PHYH: variants seen among roughly 807,000 people sequenced by gnomAD.
PHYH encodes the protein phytanoyl-CoA dioxygenase, peroxisomal.
PHYH carries 32 observed loss-of-function variants against 38.5 expected under a neutral mutation model. That is an observed-to-expected ratio of 0.83 (90% CI 0.63 to 1.12). The LOEUF (loss-of-function observed/expected upper bound fraction) is 1.12, where lower values mean the gene tolerates loss of function less well. Ranked by LOEUF, PHYH falls within the 50% of genes most tolerant of loss-of-function variation. The pLI, the probability that PHYH is intolerant of heterozygous loss-of-function variation, is 0.00. For missense variants in PHYH, 426 were observed against 434.8 expected (o/e 0.98, Z 0.18); for synonymous variants, 166 against 157.9 (o/e 1.05, Z -0.38).
At chr10:13,290,565 G>A (rs937735790) in intron 5 of PHYH, among the ~76,000 whole-genome samples, 1 of 151,988 alleles carries the variant, frequency 6.6e-6, no homozygotes, top group African/African-American at 2.4e-5. Context: ...TTTACTGCAG[G>A]CACAGAGGAA....
Position 13,294,416 on chromosome 10 carries a change from G to A in PHYH, c.414+12C>T, listed in dbSNP as rs373656177. 7.6e-5 allele frequency: 123 copies of A among 1,613,408 alleles called. No homozygotes were observed. Among genetic ancestry groups the A allele is most frequent in the Non-Finnish European group, 1.0e-4 (118 of 1,179,670 alleles). The stretch of plus-strand genomic sequence containing the variant: ...GCAATTAAGCCGACGCAAAGCAAGG[G>A]TGGTCTCTGACCTCGGGGAGAGTGC... On this transcript the variant is annotated intron_variant, in intron 4 of 8. Coordinates refer to ENST00000263038, the MANE Select transcript of PHYH (RefSeq NM_006214.4).
At chr10:13,296,055 C>G (rs183944974) in intron 2 of PHYH, among the ~76,000 whole-genome samples, 1 of 152,014 alleles carries the variant, frequency 6.6e-6, no homozygotes, top group East Asian at 1.9e-4. Context: ...GTAATCCCAG[C>G]TACCCGGGAG....
intron 1 of PHYH, 171 bp downstream of exon 1, chr10:13,299,797 C>A: frequency 7.6e-7 from 1 of 1,312,606 alleles, no homozygotes; most frequent in Non-Finnish European, 9.7e-7. Context: ...CTCTTCCCCG[C>A]TCCCCGGCTC....
In PHYH at chr10:13,298,249, G is replaced by C. The variant is rs1212865399; in HGVS notation, c.76-4C>G. On this transcript the variant is annotated splice_region_variant and splice_polypyrimidine_tract_variant and intron_variant, in intron 1 of 8. Transcript: ENST00000263038. ...TCCCTGAAGTGGGATGAGCTACCTAGGATGTGAATTAAGGCAAATAAAGTA... is the reference window on the plus strand; with the variant it reads ...TCCCTGAAGTGGGATGAGCTACCTACGATGTGAATTAAGGCAAATAAAGTA... The C allele has an allele frequency of 6.3e-7, 1 of 1,590,074 alleles. No individual in the cohort carries two copies. The highest frequency in any genetic ancestry group is 8.6e-7 in the Non-Finnish European group (1 of 1,158,230).
Position 13,278,194 on chromosome 10 carries a change from T to G in PHYH, c.*107A>C, listed in dbSNP as rs1258917250. 5 of 792,890 alleles carry G rather than the reference T, an allele frequency of 6.3e-6. No homozygotes were observed. The highest frequency in any genetic ancestry group is 1.1e-5 in the Non-Finnish European group (5 of 447,944). The allele number at this position is 792,890 out of a possible 1,614,324, so 49.1% of individuals were successfully genotyped here. A position where few individuals can be genotyped will look rare whatever the true frequency, so the allele number is the denominator to read the frequency against. Reference sequence around the variant, plus strand: ...AGTACCTGATACATGTTTTCTGCTTTTAACAAGTGATAGAAAAGGTTACAT... The same window carrying G: ...AGTACCTGATACATGTTTTCTGCTTGTAACAAGTGATAGAAAAGGTTACAT... On this transcript the variant is annotated 3_prime_UTR_variant, in exon 9 of 9. Transcript: ENST00000263038.
chr10:13,279,130 C>G (rs559856338), intron 8 of PHYH, among the ~76,000 whole-genome samples: 25 of 152,120 alleles, frequency 1.6e-4, no homozygotes, highest in Non-Finnish European at 3.1e-4. Flanking sequence ...TCCCAAGTAG[C>G]TAGGATTAGA....
intron 6 of PHYH, among the ~76,000 whole-genome samples, chr10:13,287,467 C>G (rs1191292803): frequency 6.6e-6 from 1 of 152,186 alleles, no homozygotes; most frequent in African/African-American, 2.4e-5. Flanking sequence ...CTTTTCTAAT[C>G]TGGTCCTAAT....
chr10:13,285,525 A>G (rs563112046), intron 6 of PHYH, among the ~76,000 whole-genome samples: 1 of 152,072 alleles, frequency 6.6e-6, no homozygotes, highest in East Asian at 1.9e-4. Context: ...TTTCCTATCG[A>G]ACTACAACTC....
intron 4 of PHYH, among the ~76,000 whole-genome samples, chr10:13,293,032 C>T (rs576032807): frequency 6.6e-6 from 1 of 151,984 alleles, no homozygotes; most frequent in Non-Finnish European, 1.5e-5. Context: ...AATAAGCCAC[C>T]TTCTACTGCT....
intron 6 of PHYH, among the ~76,000 whole-genome samples, chr10:13,284,152 A>G (rs1588507997): frequency 1.3e-5 from 2 of 152,016 alleles, no homozygotes; most frequent in East Asian, 3.9e-4. Flanking sequence ...GCAAAACCCC[A>G]TCTCTACAAA....
At chr10:13,294,310 C>T in intron 4 of PHYH, 118 bp downstream of exon 4, 1 of 886,348 alleles carries the variant, frequency 1.1e-6, no homozygotes, top group Admixed American at 1.9e-5. Flanking sequence ...CCTGCCTCAG[C>T]CTCCCACAGT....
intron 8 of PHYH, among the ~76,000 whole-genome samples, chr10:13,279,265 T>C (rs1835360597): frequency 6.6e-6 from 1 of 152,196 alleles, no homozygotes. Flanking sequence ...CCCAAAGTGC[T>C]GGGATTACAG....
At chr10:13,280,096 G>C (rs1417232902) in intron 8 of PHYH, among the ~76,000 whole-genome samples, 3 of 151,986 alleles carry the variant, frequency 2.0e-5, no homozygotes, top group East Asian at 1.9e-4. Context: ...AGCCTCCCGA[G>C]TAGCTGGGAC....
At chr10:13,280,851 T>C (rs1564419217) in intron 8 of PHYH, 125 bp downstream of exon 8, 2 of 915,360 alleles carry the variant, frequency 2.2e-6, no homozygotes, top group Non-Finnish European at 1.8e-6. Flanking sequence ...GGCTCAGCGA[T>C]GTCCCTAAAA....
At chr10:13,291,804 T>C (rs754779780) in intron 5 of PHYH, 27 bp downstream of exon 5, 27 of 1,443,872 alleles carry the variant, frequency 1.9e-5, no homozygotes, top group Non-Finnish European at 2.3e-5. Context: ...AATGAAACCA[T>C]TTTTTTTTCT....
intron 6 of PHYH, among the ~76,000 whole-genome samples, chr10:13,287,549 A>C (rs1835583973): frequency 6.6e-6 from 1 of 152,014 alleles, no homozygotes; most frequent in Non-Finnish European, 1.5e-5. Context: ...TCTAGACTGC[A>C]AGCTCCCTGG....
In PHYH at chr10:13,283,377, C is replaced by T. The variant is rs645818; in HGVS notation, c.828+313G>A. On this transcript the variant is annotated intron_variant, in intron 7 of 8. Coordinates refer to ENST00000263038, the MANE Select transcript of PHYH (RefSeq NM_006214.4). Reference sequence around the variant, plus strand: ...ATCTCCTGACCTCGTGATCCACCCGCCTTGGCCTCCCAAAGTGCTGGGATT... The same window carrying T: ...ATCTCCTGACCTCGTGATCCACCCGTCTTGGCCTCCCAAAGTGCTGGGATT... Among the ~76,000 whole-genome samples, 1,319 of 152,176 alleles carry T rather than the reference C, an allele frequency of 8.7e-3. 30 individuals carry two copies. The highest frequency in any genetic ancestry group is 0.031 in the African/African-American group (1,268 of 41,522).
At chr10:13,287,168 G>A (rs1336960986) in intron 6 of PHYH, among the ~76,000 whole-genome samples, 5 of 151,950 alleles carry the variant, frequency 3.3e-5, no homozygotes, top group African/African-American at 4.8e-5. Flanking sequence ...GTGAAATCCC[G>A]TCTCTACTAA....
chr10:13,289,570 G>A (rs573291237), intron 5 of PHYH, among the ~76,000 whole-genome samples: 1 of 152,252 alleles, frequency 6.6e-6, no homozygotes, highest in African/African-American at 2.4e-5. Context: ...AAAACCAGTT[G>A]CATTAATTAC....
Sources: gnomAD v4.1 joint callset for allele counts (sites outside exome capture counted in the v4.1 genomes callset) on GRCh38, gnomAD v4.1.1 for gene constraint, MANE v1.5 for transcripts, NCBI Gene and HGNC (gene_info 2026-07-23, HGNC 2026-07-21) for gene names.